The following RASAL2 variants were observed in gnomAD, a reference collection of about 807,000 sequenced individuals.
RASAL2 encodes RAS protein activator like 2, also known as ras GTPase-activating protein nGAP.
RASAL2 carries 58 observed loss-of-function variants against 128.9 expected under a neutral mutation model. That is an observed-to-expected ratio of 0.45 (90% CI 0.36 to 0.56). The LOEUF is 0.56. Ranked by LOEUF, RASAL2 falls within the 20% of genes least tolerant of loss-of-function variation. RASAL2 has a pLI of 0.00. For missense variants in RASAL2, 1,360 were observed against 1,601.6 expected (o/e 0.85, Z 2.57); for synonymous variants, 561 against 580.8 (o/e 0.97, Z 0.49).
intron 5 of RASAL2, among the ~76,000 whole-genome samples, chr1:178,430,274 A>T (rs1488760496): frequency 6.6e-6 from 1 of 152,148 alleles, no homozygotes; most frequent in Non-Finnish European, 1.5e-5. Flanking sequence ...AATACAGTCT[A>T]GCTATCGATT....
chr1:178,177,745 G>A (rs1333087720), intron 1 of RASAL2, among the ~76,000 whole-genome samples: 3 of 152,158 alleles, frequency 2.0e-5, no homozygotes, highest in African/African-American at 7.2e-5. Context: ...AAAGTAAGGA[G>A]CCTAGGCAGT....
At chr1:178,299,066 C>G (rs558884066) in intron 2 of RASAL2, among the ~76,000 whole-genome samples, 3 of 152,034 alleles carry the variant, frequency 2.0e-5, no homozygotes, top group African/African-American at 7.2e-5. Context: ...ATGCAAATAA[C>G]CGCTTGATAT....
chr1:178,394,316 A>G (rs1289326260), intron 4 of RASAL2, among the ~76,000 whole-genome samples: 2 of 152,190 alleles, frequency 1.3e-5, no homozygotes, highest in Non-Finnish European at 2.9e-5. Flanking sequence ...TTTCATTTAA[A>G]TGAAATTACT....
At chr1:178,104,892 C>T (rs894583190) in intron 1 of RASAL2, among the ~76,000 whole-genome samples, 3 of 152,118 alleles carry the variant, frequency 2.0e-5, no homozygotes, top group African/African-American at 7.2e-5. Context: ...AATCCATGAC[C>T]GTGACCTTAC....
At chr1:178,300,557 T>G (rs1667721279) in intron 3 of RASAL2, among the ~76,000 whole-genome samples, 1 of 152,204 alleles carries the variant, frequency 6.6e-6, no homozygotes, top group African/African-American at 2.4e-5. Context: ...CAGGCTAATT[T>G]AGCTAAGTTA....
In RASAL2 at chr1:178,366,590, C is replaced by CA. The variant is rs1357672168; in HGVS notation, c.458-23510_458-23509insA. 3.9e-5 allele frequency among the ~76,000 whole-genome samples: 4 copies of CA among 101,348 alleles called. No homozygotes were observed. The East Asian group carries it at 1.3e-3, about 34-fold the overall frequency. 66.5% of individuals were successfully genotyped at this position (101,348 alleles called of 152,430 possible). ...AATTACTTGGTACCTCCCACCCCCC[C>CA]CCGCCAAAAAAAAACACAGATTATA... On this transcript the variant is annotated intron_variant, in intron 3 of 17. Coordinates refer to ENST00000367649, the MANE Select transcript of RASAL2 (RefSeq NM_170692.4).
chr1:178,335,216 T>C lies in RASAL2; in HGVS notation c.457+35098T>C, dbSNP rs370124075. Among the ~76,000 whole-genome samples, 20 of 152,080 alleles carry C rather than the reference T, an allele frequency of 1.3e-4. 2 individuals are homozygous for C. Among genetic ancestry groups the C allele is most frequent in the Admixed American group, 1.0e-3 (16 of 15,286 alleles). On this transcript the variant is annotated intron_variant, in intron 3 of 17. Transcript: ENST00000367649. ...TTTTAAAAAATAATCAGGACCATAATTTTCAAAGGTTTGGATAAAGGATAA... is the reference window on the plus strand; with the variant it reads ...TTTTAAAAAATAATCAGGACCATAACTTTCAAAGGTTTGGATAAAGGATAA...
chr1:178,249,611 A>G (rs1664947320), intron 1 of RASAL2, among the ~76,000 whole-genome samples: 1 of 151,900 alleles, frequency 6.6e-6, no homozygotes, highest in African/African-American at 2.4e-5. Context: ...TCATTTGGAG[A>G]AGAGGCATTC....
intron 4 of RASAL2, among the ~76,000 whole-genome samples, chr1:178,407,757 A>T (rs1048266415): frequency 6.6e-6 from 1 of 152,208 alleles, no homozygotes; most frequent in Non-Finnish European, 1.5e-5. Flanking sequence ...AGGTGATGAC[A>T]TGTTTCCCTG....
At chr1:178,191,560 A>G (rs370546848) in intron 1 of RASAL2, among the ~76,000 whole-genome samples, 34 of 152,202 alleles carry the variant, frequency 2.2e-4, no homozygotes, top group Non-Finnish European at 4.4e-4. Context: ...TATATGAAAT[A>G]AAATTTCTTT....
intron 15 of RASAL2, among the ~76,000 whole-genome samples, chr1:178,465,307 G>A (rs535378522): frequency 1.8e-4 from 28 of 152,222 alleles, no homozygotes; most frequent in Non-Finnish European, 1.9e-4. Context: ...TATAGTTGGG[G>A]AAAAAGCAGC....
chr1:178,451,029 A>G (rs1278053978), intron 9 of RASAL2, among the ~76,000 whole-genome samples: 2 of 152,190 alleles, frequency 1.3e-5, no homozygotes, highest in African/African-American at 4.8e-5. Context: ...AAAAGCATAT[A>G]CAGATTATGT....
chr1:178,240,706 CTATA>C (rs1433580987), intron 1 of RASAL2, among the ~76,000 whole-genome samples: 1 of 151,708 alleles, frequency 6.6e-6, no homozygotes, highest in Non-Finnish European at 1.5e-5. Context: ...ATAATTGTAA[CTATA>C]TACTAGTTAT....
At chr1:178,454,293 GTATGT>G (rs1677605815) in intron 11 of RASAL2, among the ~76,000 whole-genome samples, 149 bp from the exon 12 acceptor site, 2 of 150,834 alleles carry the variant, frequency 1.3e-5, no homozygotes, top group South Asian at 2.1e-4. Context: ...TATTAAGAAA[GTATGT>G]TATAACATTT....
rs1185989050 is a variant in RASAL2, at chr1:178,159,177, T to C, written c.202+64483T>C. On this transcript the variant is annotated intron_variant, in intron 1 of 17. Coordinates refer to ENST00000367649, the MANE Select transcript of RASAL2 (RefSeq NM_170692.4). ...TACTGTTTGGTCTTTCAAACTTAAT[T>C]GTGCAAATTGGTGTCATACTGCTTA... Among the ~76,000 whole-genome samples the C allele has an allele frequency of 2.6e-5, 4 of 152,238 alleles. No homozygotes were observed. The East Asian group carries it at 7.7e-4, about 29-fold the overall frequency.
At chr1:178,340,295 A>G (rs776538021) in intron 3 of RASAL2, among the ~76,000 whole-genome samples, 2 of 152,156 alleles carry the variant, frequency 1.3e-5, no homozygotes, top group African/African-American at 4.8e-5. Context: ...TACTGCTTTA[A>G]TGTGGCAGGT....
chr1:178,370,326 C>T (rs769817661), intron 3 of RASAL2, among the ~76,000 whole-genome samples: 1 of 152,110 alleles, frequency 6.6e-6, no homozygotes, highest in Non-Finnish European at 1.5e-5. Context: ...ATCCTGTAGG[C>T]TACTGATGTC....
rs1342165773 is a variant in RASAL2, at chr1:178,333,575, GCA to G, written c.457+33458_457+33459del. Among the ~76,000 whole-genome samples, 3 of 152,078 alleles carry G rather than the reference GCA, an allele frequency of 2.0e-5. No individual in the cohort carries two copies. In the East Asian group the frequency reaches 5.8e-4, roughly 29 times the overall value. On this transcript the variant is annotated intron_variant, in intron 3 of 17. Transcript: ENST00000367649. Reference sequence around the variant, plus strand: ...CAAAACAAAAAAATTGCAACCTCTGGCATAAATGGGTTAAGACCAGCATGTTA... The same window carrying G: ...CAAAACAAAAAAATTGCAACCTCTGGTAAATGGGTTAAGACCAGCATGTTA...
At chr1:178,116,873 G>C (rs1283901765) in intron 1 of RASAL2, among the ~76,000 whole-genome samples, 1 of 152,146 alleles carries the variant, frequency 6.6e-6, no homozygotes, top group Non-Finnish European at 1.5e-5. Context: ...GCCTCCCAAA[G>C]TGCTGGGATT....
Sources: allele counts gnomAD v4.1 joint callset (sites outside exome capture counted in the v4.1 genomes callset), GRCh38; gene constraint gnomAD v4.1.1; transcripts MANE v1.5; gene names NCBI Gene and HGNC (gene_info 2026-07-23, HGNC 2026-07-21).